Variants in GLT1D1 observed in about 807,000 individuals in gnomAD.
GLT1D1 encodes glycosyltransferase 1 domain containing 1.
In GLT1D1, 21 loss-of-function variants were observed where a neutral mutation model predicts 28.7. That is an observed-to-expected ratio of 0.73 (90% CI 0.52 to 1.05). The LOEUF is 1.05. Ranked by LOEUF, GLT1D1 falls within the 50% of genes least tolerant of loss-of-function variation. GLT1D1 has a pLI of 0.00. For synonymous variants in GLT1D1, 147 were observed against 124.8 expected (o/e 1.18, Z -1.19); for missense variants, 343 against 330.6 (o/e 1.04, Z -0.29).
chr12:128,920,897 C>T (rs781196375), intron 4 of GLT1D1, among the ~76,000 whole-genome samples: 1 of 152,190 alleles, frequency 6.6e-6, no homozygotes, highest in African/African-American at 2.4e-5. Context: ...AAGGAGGAGA[C>T]AACATTTATT....
Position 128,983,232 on chromosome 12 carries a change from C to T in GLT1D1, c.*142C>T. On this transcript the variant is annotated 3_prime_UTR_variant, in exon 8 of 8. Coordinates refer to ENST00000281703, the MANE Select transcript of GLT1D1 (RefSeq NM_144669.3). The surrounding 1 kb of genome is among the most constrained non-coding windows in gnomAD (Gnocchi z 4.7). ...ATCCTAGAAAATGTTAGTCGTGAGT[C>T]CCCAGAGCCACTGCATTCATCCCAT... 1 of 705,890 alleles carries T rather than the reference C, an allele frequency of 1.4e-6. No homozygotes were observed. Among genetic ancestry groups the T allele is most frequent in the Non-Finnish European group, 2.4e-6 (1 of 421,104 alleles). The allele number at this position is 705,890 out of a possible 1,614,324, so 43.7% of individuals were successfully genotyped here. A position where few individuals can be genotyped will look rare whatever the true frequency, so the allele number is the denominator to read the frequency against.
intron 1 of GLT1D1, among the ~76,000 whole-genome samples, chr12:128,874,480 C>CTTT (rs138457706): frequency 0.083 from 8,837 of 106,614 alleles, 520 homozygotes; most frequent in South Asian, 0.15. Context: ...CTGTGGCTGG[C>CTTT]TTTTTTTTTT....
intron 4 of GLT1D1, among the ~76,000 whole-genome samples, chr12:128,932,102 G>A (rs1487765421): frequency 6.6e-6 from 1 of 152,192 alleles, no homozygotes; most frequent in African/African-American, 2.4e-5. Flanking sequence ...GGGAACAGTC[G>A]GGGGCGTGGG....
intron 6 of GLT1D1, among the ~76,000 whole-genome samples, chr12:128,948,072 G>A (rs1037853239): frequency 5.3e-5 from 8 of 152,104 alleles, no homozygotes; most frequent in African/African-American, 1.9e-4. Flanking sequence ...TTTCAGGACC[G>A]AGGCTGGAGT....
intron 7 of GLT1D1, among the ~76,000 whole-genome samples, chr12:128,976,431 A>T (rs1425989650): frequency 6.6e-6 from 1 of 152,196 alleles, no homozygotes; most frequent in Non-Finnish European, 1.5e-5. Flanking sequence ...TCGAAGCCTT[A>T]ATTAACTCAA....
intron 4 of GLT1D1, chr12:128,945,089 C>T (rs1333004855): frequency 2.9e-6 from 2 of 683,888 alleles, no homozygotes; most frequent in East Asian, 2.6e-5. Flanking sequence ...CGGAGCAGGT[C>T]CCCGCTGGAA....
At chr12:128,891,087 G>A (rs1868998871) in intron 3 of GLT1D1, among the ~76,000 whole-genome samples, 1 of 143,464 alleles carries the variant, frequency 7.0e-6, no homozygotes, top group Non-Finnish European at 1.5e-5. Context: ...TAGCCTGGGT[G>A]ACAGAGCGAC....
chr12:128,861,458 T>C lies in GLT1D1; in HGVS notation c.68+7809T>C, dbSNP rs1028318539. On this transcript the variant is annotated intron_variant, in intron 1 of 7. Transcript: ENST00000281703. ...AGAGCTGCCAAGGGTACTGGGGAAA[T>C]GCGTGAAGATGGTCTCGGGAAGAGA... Among the ~76,000 whole-genome samples the C allele has an allele frequency of 2.0e-5, 3 of 152,058 alleles. No homozygotes were observed. In the East Asian group the frequency reaches 5.8e-4, roughly 29 times the overall value.
intron 4 of GLT1D1, among the ~76,000 whole-genome samples, chr12:128,916,662 C>T (rs908065929): frequency 1.3e-5 from 2 of 152,138 alleles, no homozygotes; most frequent in Non-Finnish European, 2.9e-5. Flanking sequence ...TATCTTGTTT[C>T]GTGAGTGTCT....
intron 6 of GLT1D1, among the ~76,000 whole-genome samples, chr12:128,950,199 G>C (rs1876551455): frequency 6.6e-6 from 1 of 152,192 alleles, no homozygotes; most frequent in African/African-American, 2.4e-5. Flanking sequence ...CAGCTGCAGG[G>C]AGGTGGGGTG....
In GLT1D1 at chr12:128,897,913, C is replaced by T. The variant is rs144495644; in HGVS notation, c.324-1323C>T. Among the ~76,000 whole-genome samples the T allele has an allele frequency of 2.1e-3, 319 of 152,240 alleles. 2 individuals carry two copies. Among genetic ancestry groups the T allele is most frequent in the Non-Finnish European group, 2.9e-3 (198 of 68,010 alleles). On this transcript the variant is annotated intron_variant, in intron 3 of 7. Transcript: ENST00000281703. ...CGATCTCCTGACCTTGTGATCCGCC[C>T]GCCTTGGACTCCCAAAGTGCTGGGA...
At chr12:128,944,804 A>ATG in intron 4 of GLT1D1, 1 of 229,474 alleles carries the variant, frequency 4.4e-6, no homozygotes, top group Non-Finnish European at 8.7e-6. Flanking sequence ...TTATATATAT[A>ATG]TGTATATATA....
At chr12:128,944,751 TGA>T in intron 4 of GLT1D1, 1 of 538,950 alleles carries the variant, frequency 1.9e-6, no homozygotes, top group Non-Finnish European at 3.5e-6. Context: ...TCATTTGGGA[TGA>T]GTTTCCCTTG....
chr12:128,918,485 T>C (rs1872328837), intron 4 of GLT1D1, among the ~76,000 whole-genome samples: 1 of 152,132 alleles, frequency 6.6e-6, no homozygotes, highest in South Asian at 2.1e-4. Flanking sequence ...TAAAATAAGA[T>C]AAAATGAAAC....
chr12:128,958,435 C>T (rs187005273), intron 7 of GLT1D1, among the ~76,000 whole-genome samples: 4 of 152,042 alleles, frequency 2.6e-5, no homozygotes, highest in Admixed American at 2.6e-4. Context: ...CGGATATTAT[C>T]AAAAGGGAAG....
intron 4 of GLT1D1, among the ~76,000 whole-genome samples, chr12:128,904,623 CTTTTTTTTT>C (rs59189244): frequency 3.0e-4 from 42 of 139,344 alleles, no homozygotes; most frequent in African/African-American, 1.2e-3. Context: ...TGAAAACAGT[CTTTTTTTTT>C]TTTTTTTTTT....
chr12:128,942,735 G>GTTTTTTTTT lies in GLT1D1; in HGVS notation c.376-2588_376-2587insTTTTTTTTT, dbSNP rs1397894974. On this transcript the variant is annotated intron_variant, in intron 4 of 7. Transcript: ENST00000281703. Reference sequence around the variant, plus strand: ...ATCACTTTAGATTCCAATTTTCTTTGTTTGTTTGTTTTTGTTTTTTGTTTT... The same window carrying GTTTTTTTTT: ...ATCACTTTAGATTCCAATTTTCTTTGTTTTTTTTTTTTGTTTGTTTTTGTTTTTTGTTTT... Among the ~76,000 whole-genome samples, 99 of 89,508 alleles carry GTTTTTTTTT rather than the reference G, an allele frequency of 1.1e-3. 24 individuals carry two copies. The highest frequency in any genetic ancestry group is 4.2e-3 in the African/African-American group (96 of 23,116). 58.7% of individuals were successfully genotyped at this position (89,508 alleles called of 152,430 possible).
intron 1 of GLT1D1, among the ~76,000 whole-genome samples, chr12:128,873,141 C>T (rs1203589018): frequency 1.3e-5 from 2 of 152,134 alleles, no homozygotes; most frequent in Non-Finnish European, 2.9e-5. Flanking sequence ...AATGATCCTC[C>T]GACCTCTGCC....
intron 4 of GLT1D1, among the ~76,000 whole-genome samples, chr12:128,926,859 C>T (rs1241482113): frequency 6.6e-6 from 1 of 152,000 alleles, no homozygotes; most frequent in African/African-American, 2.4e-5. Flanking sequence ...GGAGACTAGT[C>T]CTAGTTATCC....
Sources: allele counts gnomAD v4.1 joint callset (sites outside exome capture counted in the v4.1 genomes callset), GRCh38; gene constraint gnomAD v4.1.1; non-coding constraint Gnocchi (gnomAD v3.1); transcripts MANE v1.5; gene names NCBI Gene and HGNC (gene_info 2026-07-23, HGNC 2026-07-21).